The following PRDM6 variants were observed in gnomAD, a reference collection of about 807,000 sequenced individuals.
PRDM6 encodes the protein PR/SET domain 6, also known as putative histone-lysine N-methyltransferase PRDM6.
Under a neutral mutation model 60.8 loss-of-function variants are expected in PRDM6, and 25 were observed. The observed-to-expected ratio is 0.41, with a 90% CI of 0.30 to 0.57. The LOEUF (loss-of-function observed/expected upper bound fraction) is 0.57, where lower values mean the gene tolerates loss of function less well. Ranked by LOEUF, PRDM6 falls within the 20% of genes least tolerant of loss-of-function variation. PRDM6 has a pLI of 0.27. For missense variants in PRDM6, 839 were observed against 821.3 expected (o/e 1.02, Z -0.26); for synonymous variants, 407 against 357.4 (o/e 1.14, Z -1.57).
intron 5 of PRDM6, among the ~76,000 whole-genome samples, chr5:123,167,364 A>C (rs1043231409): frequency 1.3e-5 from 2 of 151,192 alleles, no homozygotes; most frequent in African/African-American, 4.9e-5. Context: ...TGACCTTAAC[A>C]ATTTTTTAGA....
chr5:123,129,005 A>G (rs1764759286), intron 3 of PRDM6, among the ~76,000 whole-genome samples: 1 of 152,190 alleles, frequency 6.6e-6, no homozygotes, highest in Non-Finnish European at 1.5e-5. Flanking sequence ...TCCCAGCACC[A>G]TTTATTAAAT....
At chr5:123,160,163 G>A (rs1341094217) in intron 5 of PRDM6, among the ~76,000 whole-genome samples, 2 of 152,196 alleles carry the variant, frequency 1.3e-5, no homozygotes, top group Non-Finnish European at 2.9e-5. Context: ...ATGTGACTGA[G>A]GAATTTGTGT....
rs143143568 is a variant in PRDM6 at position 123,146,834 on chromosome 5, G to A, written c.901-9050G>A. 7.9e-5 allele frequency among the ~76,000 whole-genome samples: 12 copies of A among 152,268 alleles called. No individual in the cohort carries two copies. In the South Asian group the frequency reaches 8.3e-4, roughly 11 times the overall value. Reference sequence around the variant, plus strand: ...AAGCTGGAAACTGTGGTGCTTACTCGTTCATCTCAGGATATGGATACAAAC... The same window carrying A: ...AAGCTGGAAACTGTGGTGCTTACTCATTCATCTCAGGATATGGATACAAAC... On this transcript the variant is annotated intron_variant, in intron 3 of 7. Coordinates refer to ENST00000407847, the MANE Select transcript of PRDM6 (RefSeq NM_001136239.4).
chr5:123,191,255 G>A lies in PRDM6; in HGVS notation c.*4054G>A, dbSNP rs1157117769. 2 of 152,068 alleles carry A rather than the reference G, an allele frequency of 1.3e-5. No individual in the cohort carries two copies. The highest frequency in any genetic ancestry group is 2.9e-5 in the Non-Finnish European group (2 of 68,010). 9.4% of individuals were successfully genotyped at this position (152,068 alleles called of 1,614,324 possible). On this transcript the variant is annotated 3_prime_UTR_variant, in exon 8 of 8. Transcript: ENST00000407847. Reference sequence around the variant, plus strand: ...GTGCAGAAGTAACATTATTTGTTTTGCACTAATTTAAAATTTAAAATGCAA... The same window carrying A: ...GTGCAGAAGTAACATTATTTGTTTTACACTAATTTAAAATTTAAAATGCAA...
intron 3 of PRDM6, 97 bp downstream of exon 3, chr5:123,100,058 C>T: frequency 2.3e-6 from 3 of 1,277,710 alleles, no homozygotes; most frequent in Non-Finnish European, 3.2e-6. Flanking sequence ...GCTGTGGCAA[C>T]TGCGAAGAGA....
rs753024723 is a variant in PRDM6 at position 123,090,363 on chromosome 5, C to T, written c.349C>T (p.Pro117Ser). 1,023 of 1,472,180 alleles carry T rather than the reference C, an allele frequency of 6.9e-4. 1 individual carries two copies. The highest frequency in any genetic ancestry group is 8.7e-4 in the Non-Finnish European group (968 of 1,117,084). The allele number at this position is 1,472,180 out of a possible 1,614,324, so 91.2% of individuals were successfully genotyped here. A position where few individuals can be genotyped will look rare whatever the true frequency, so the allele number is the denominator to read the frequency against. The change falls in exon 2 of 8, where the codon CCG (proline) becomes TCG (serine). Residue 117 changes from proline (P) to serine (S), a missense_variant. Physicochemically the swap from Pro to Ser is moderately conservative, Grantham distance 74. This residue lies in a region of PRDM6 where 730 missense variants were observed against 648.8 expected (regional missense o/e 1.13). Coordinates refer to ENST00000407847, the MANE Select transcript of PRDM6 (RefSeq NM_001136239.4). The part of the protein sequence containing the change: ...GLSALPVSQL[P>S]VFAPLAAAAV... ...CTCGGCCCTGCCGGTGTCGCAGCTG[C>T]CGGTGTTCGCGCCTCTAGCCGCCGC...
At chr5:123,089,951 C>T (rs995559428) in intron 1 of PRDM6, 49 bp from the exon 2 acceptor site, 10 of 1,386,338 alleles carry the variant, frequency 7.2e-6, no homozygotes, top group Non-Finnish European at 9.9e-6. Flanking sequence ...TCTTCCCGGC[C>T]CCTTTCGCCC....
In PRDM6 at chr5:123,170,990, A is replaced by G. The variant is rs1765878797; in HGVS notation, c.1378A>G (p.Thr460Ala). The G allele has an allele frequency of 1.3e-6, 2 of 1,551,762 alleles. No homozygotes were observed. The highest frequency in any genetic ancestry group is 2.4e-5 in the South Asian group (2 of 84,070). ...GCGAGTCCTGGCAAGCCCAACTTCC[A>G]CAAGCCAGCTCCACTCGGAGTTCAG... Reference protein sequence around the residue: ...NQRVLASPTSTSQLHSEFSDW... With the variant: ...NQRVLASPTSASQLHSEFSDW... The change falls in exon 6 of 8, where the codon ACA (threonine) becomes GCA (alanine). Residue 460 changes from threonine (T) to alanine (A), a missense_variant. Physicochemically the swap from Thr to Ala is moderately conservative, Grantham distance 58. Transcript: ENST00000407847.
rs1766462515 is a variant in PRDM6, at chr5:123,193,135, C to T, written c.*5934C>T. 1 of 152,142 alleles carries T rather than the reference C, an allele frequency of 6.6e-6. No individual in the cohort carries two copies. Among genetic ancestry groups the T allele is most frequent in the African/African-American group, 2.4e-5 (1 of 41,438 alleles). 9.4% of individuals were successfully genotyped at this position (152,142 alleles called of 1,614,324 possible). A position where few individuals can be genotyped will look rare whatever the true frequency, so the allele number is the denominator to read the frequency against. ...TCCTCCAGATTCTGATTCTAATGGG[C>T]ACATTTGTTTGTTGAAATGATAAAT... On this transcript the variant is annotated 3_prime_UTR_variant, in exon 8 of 8. Transcript: ENST00000407847.
chr5:123,153,807 C>T (rs1243878653), intron 3 of PRDM6, among the ~76,000 whole-genome samples: 2 of 152,122 alleles, frequency 1.3e-5, no homozygotes, highest in Non-Finnish European at 2.9e-5. Context: ...TTAAGACAGC[C>T]CCCACTAGTT....
At chr5:123,140,367 A>C (rs1765069952) in intron 3 of PRDM6, among the ~76,000 whole-genome samples, 1 of 152,048 alleles carries the variant, frequency 6.6e-6, no homozygotes, top group Admixed American at 6.6e-5. Flanking sequence ...TGGCAGCTAT[A>C]TTAAATTTTT....
At chr5:123,124,897 A>G (rs1051041710) in intron 3 of PRDM6, among the ~76,000 whole-genome samples, 2 of 152,040 alleles carry the variant, frequency 1.3e-5, no homozygotes, top group Admixed American at 1.3e-4. Flanking sequence ...ACAATTTTCT[A>G]AAAGAAAAAA....
At chr5:123,130,515 A>G (rs1764807940) in intron 3 of PRDM6, among the ~76,000 whole-genome samples, 1 of 151,630 alleles carries the variant, frequency 6.6e-6, no homozygotes, top group Non-Finnish European at 1.5e-5. Context: ...AGAATCAGGC[A>G]CACAGAATCT....
At chr5:123,156,120 G>A in intron 4 of PRDM6, 109 bp downstream of exon 4, 1 of 1,118,698 alleles carries the variant, frequency 8.9e-7, no homozygotes, top group Non-Finnish European at 1.2e-6. Context: ...AACTCTGCAA[G>A]GACTGGCAGA....
At chr5:123,147,089 A>G (rs1032226510) in intron 3 of PRDM6, among the ~76,000 whole-genome samples, 2 of 152,166 alleles carry the variant, frequency 1.3e-5, no homozygotes, top group Non-Finnish European at 1.5e-5. Flanking sequence ...TGAACTCACT[A>G]TATACAAAAT....
chr5:123,091,389 G>T (rs942481010), intron 2 of PRDM6, among the ~76,000 whole-genome samples: 3 of 152,138 alleles, frequency 2.0e-5, no homozygotes, highest in African/African-American at 7.2e-5. Flanking sequence ...AGAAATTAGG[G>T]TGACTGTAAT....
intron 3 of PRDM6, among the ~76,000 whole-genome samples, chr5:123,124,414 AACAG>A (rs1740674288): frequency 6.6e-6 from 1 of 152,226 alleles, no homozygotes; most frequent in South Asian, 2.1e-4. Context: ...GTTTTTATGG[AACAG>A]ACAGACACGG....
intron 7 of PRDM6, among the ~76,000 whole-genome samples, chr5:123,181,704 C>G (rs910023875): frequency 2.6e-5 from 4 of 152,160 alleles, no homozygotes; most frequent in Admixed American, 6.5e-5. Context: ...GGAGACTAAT[C>G]CCCCTGCTCA....
chr5:123,154,631 A>G (rs1398486144), intron 3 of PRDM6, among the ~76,000 whole-genome samples: 1 of 152,212 alleles, frequency 6.6e-6, no homozygotes. Context: ...CTGCTGAGCT[A>G]AACTAATATG....
Sources: allele counts gnomAD v4.1 joint callset (sites outside exome capture counted in the v4.1 genomes callset), GRCh38; gene constraint gnomAD v4.1.1; regional missense constraint gnomAD v4.1.1; transcripts MANE v1.5; gene names NCBI Gene and HGNC (gene_info 2026-07-23, HGNC 2026-07-21).